The following CCDC9 variants were observed in gnomAD, a reference collection of about 807,000 sequenced individuals.
The protein encoded by CCDC9 is coiled-coil domain-containing protein 9.
CCDC9 carries 52 observed loss-of-function variants against 65.6 expected under a neutral mutation model. The ratio of observed to expected loss-of-function variants is 0.79; its 90% CI spans 0.63 to 1.00. The LOEUF (loss-of-function observed/expected upper bound fraction) is 1.00. Ranked by LOEUF, CCDC9 falls within the 50% of genes least tolerant of loss-of-function variation. CCDC9 has a pLI of 0.00. For synonymous variants in CCDC9, 332 were observed against 280.3 expected (o/e 1.18, Z -1.84); for missense variants, 834 against 757.2 (o/e 1.10, Z -1.19).
At chr19:47,273,067 T>A (rs2059133355), downstream of CCDC9, among the ~76,000 whole-genome samples, 1 of 151,232 alleles carries the variant, frequency 6.6e-6, no homozygotes, top group Non-Finnish European at 1.5e-5. Context: ...TTTGCAGCCT[T>A]GGGTGGCGCG....
intron 8 of CCDC9, 122 bp from the exon 9 acceptor site, chr19:47,270,285 G>A: frequency 1.1e-6 from 1 of 912,972 alleles, no homozygotes; most frequent in Non-Finnish European, 1.7e-6. Flanking sequence ...TACTTCTAGT[G>A]TCCCCTGTCT....
At chr19:47,274,692 A>G (rs1214376349), downstream of CCDC9, 2 of 123,604 alleles carry the variant, frequency 1.6e-5, no homozygotes, top group Admixed American at 1.9e-4. Flanking sequence ...GCGGGGCTGG[A>G]GCGAGGGGGG....
downstream of CCDC9, among the ~76,000 whole-genome samples, chr19:47,274,225 A>G (rs903953207): frequency 6.6e-6 from 1 of 151,636 alleles, no homozygotes; most frequent in Non-Finnish European, 1.5e-5. Flanking sequence ...AAGCGGGCTG[A>G]GAGTGTGCTG....
rs374567420 is a variant in CCDC9 at position 47,270,899 on chromosome 19, T to A, written c.1086-183T>A. On this transcript the variant is annotated intron_variant, in intron 10 of 11. Transcript: ENST00000221922. The stretch of plus-strand genomic sequence containing the variant: ...CCTTTCTGCCGTCACCCATCTCCTC[T>A]CCTGCTACCTGCCCCACTTTCGTTC... Among the ~76,000 whole-genome samples, 3 of 152,166 alleles carry A rather than the reference T, an allele frequency of 2.0e-5. No homozygotes were observed. The East Asian group carries it at 5.8e-4, about 29-fold the overall frequency.
downstream of CCDC9, chr19:47,275,345 G>T: frequency 6.5e-7 from 1 of 1,541,784 alleles, no homozygotes; most frequent in Non-Finnish European, 8.7e-7. Context: ...GAAGACCCGG[G>T]TAACTCTCCC....
chr19:47,270,134 A>G (rs1192946289), intron 8 of CCDC9, among the ~76,000 whole-genome samples: 1 of 151,586 alleles, frequency 6.6e-6, no homozygotes, highest in Non-Finnish European at 1.5e-5. Flanking sequence ...ACGCCCAGCT[A>G]ATTTTTGTAT....
chr19:47,260,966 A>G, intron 5 of CCDC9, 127 bp downstream of exon 5: 1 of 1,112,324 alleles, frequency 9.0e-7, no homozygotes, highest in Non-Finnish European at 1.3e-6. Flanking sequence ...GAGCCTTTGC[A>G]TCTGGCTCTG....
chr19:47,266,401 G>A (rs2059082532), intron 7 of CCDC9: 1 of 596,172 alleles, frequency 1.7e-6, no homozygotes, highest in Non-Finnish European at 2.7e-6. Context: ...GTGTTGTGGA[G>A]AAAAATCCAG....
At chr19:47,261,978 G>A (rs570677609) in intron 5 of CCDC9, among the ~76,000 whole-genome samples, 10 of 151,400 alleles carry the variant, frequency 6.6e-5, no homozygotes, top group Admixed American at 2.6e-4. Flanking sequence ...CCGAGATTGC[G>A]CCATTGTACT....
intron 5 of CCDC9, among the ~76,000 whole-genome samples, chr19:47,263,078 C>T (rs1236780367): frequency 2.7e-5 from 4 of 149,044 alleles, no homozygotes; most frequent in Non-Finnish European, 5.9e-5. Flanking sequence ...CCAGCCTGGG[C>T]AACAGAGTAA....
At chr19:47,261,512 C>A (rs992751785) in intron 5 of CCDC9, among the ~76,000 whole-genome samples, 3 of 151,994 alleles carry the variant, frequency 2.0e-5, no homozygotes, top group Non-Finnish European at 2.9e-5. Context: ...GCTCACTTCC[C>A]CTGTGAGCTT....
downstream of CCDC9, chr19:47,272,257 G>C: frequency 1.3e-6 from 1 of 784,958 alleles, no homozygotes; most frequent in Non-Finnish European, 1.7e-6. Flanking sequence ...GTGAATGTGT[G>C]TAGGTAGCAG....
intron 10 of CCDC9, 80 bp downstream of exon 10, chr19:47,270,768 G>A: frequency 2.1e-6 from 3 of 1,435,174 alleles, no homozygotes; most frequent in Non-Finnish European, 2.8e-6. Flanking sequence ...CTGTGAAGGT[G>A]TGGGTACATC....
At chr19:47,275,343 G>A, downstream of CCDC9, 2 of 1,542,630 alleles carry the variant, frequency 1.3e-6, no homozygotes, top group South Asian at 1.2e-5. Flanking sequence ...GCGAAGACCC[G>A]GGTAACTCTC....
rs758067809 is a variant in CCDC9 at position 47,271,712 on chromosome 19, TGTGTGTGTGTGTGTGTGTGTGCGCGC to T, written c.*36_*61del. On this transcript the variant is annotated 3_prime_UTR_variant, in exon 12 of 12. Transcript: ENST00000221922. ...GCCTGTGTGTGTGTGTGTGTGTGTG[TGTGTGTGTGTGTGTGTGTGTGCGCGC>T]GCGCGCGCGCGCGCGCGCGCGCTAG... is the stretch of plus-strand genomic sequence containing the variant. The T allele has an allele frequency of 2.9e-4, 401 of 1,373,726 alleles. 1 individual carries two copies. The African/African-American group carries it at 6.4e-3, about 22-fold the overall frequency. 85.1% of individuals were successfully genotyped at this position (1,373,726 alleles called of 1,614,324 possible). A position where few individuals can be genotyped will look rare whatever the true frequency, so the allele number is the denominator to read the frequency against.
chr19:47,266,512 G>T (rs930904416), intron 7 of CCDC9, 99 bp from the exon 8 acceptor site: 1 of 1,429,616 alleles, frequency 7.0e-7, no homozygotes, highest in Admixed American at 3.0e-5. Context: ...CCTTGTCATC[G>T]CTTCCCTGTG....
chr19:47,266,857 T>C, intron 8 of CCDC9, 65 bp downstream of exon 8: 1 of 1,528,508 alleles, frequency 6.5e-7, no homozygotes, highest in Non-Finnish European at 8.8e-7. Flanking sequence ...TTCTAAGTCC[T>C]ATGCCTCTCT....
chr19:47,263,737 T>C (rs1213814504), intron 5 of CCDC9, among the ~76,000 whole-genome samples: 4 of 150,746 alleles, frequency 2.7e-5, no homozygotes, highest in Non-Finnish European at 4.4e-5. Flanking sequence ...GGCTAACTTT[T>C]GTATTTTTAG....
In CCDC9 at chr19:47,260,536, C is replaced by G. The variant is rs145980673; in HGVS notation, c.211-52C>G. On this transcript the variant is annotated intron_variant, in intron 4 of 11. Transcript: ENST00000221922. ...ACCAGTGGGTGGCCTCCATCCTGGC[C>G]GCATGCCTCCCTGCCCCAGTGACTG... The G allele has an allele frequency of 6.8e-4, 1,059 of 1,566,582 alleles. 7 individuals are homozygous for G. The African/African-American group carries it at 0.013, about 19-fold the overall frequency.
Sources: gnomAD v4.1 joint callset for allele counts (sites outside exome capture counted in the v4.1 genomes callset) on GRCh38, gnomAD v4.1.1 for gene constraint, MANE v1.5 for transcripts, NCBI Gene and HGNC (gene_info 2026-07-23, HGNC 2026-07-21) for gene names.